OR4D9: variants seen among roughly 807,000 people sequenced by gnomAD.
OR4D9 encodes olfactory receptor family 4 subfamily D member 9, also known as olfactory receptor 4D9.
OR4D9 carries 2 observed loss-of-function variants against 0.8 expected under a neutral mutation model. The ratio of observed to expected loss-of-function variants is 2.58; its 90% CI spans 1.06 to 8.13. The LOEUF (loss-of-function observed/expected upper bound fraction) is 8.13, where lower values mean the gene tolerates loss of function less well. Ranked by LOEUF, OR4D9 falls within the 30% of genes most tolerant of loss-of-function variation. The pLI, the probability that OR4D9 is intolerant of heterozygous loss-of-function variation, is 0.04. For synonymous variants in OR4D9, 146 were observed against 151.2 expected (o/e 0.97, Z 0.25); for missense variants, 399 against 384.7 (o/e 1.04, Z -0.31).
Position 59,516,206 on chromosome 11 carries a change from G to A in OR4D9, c.*349G>A. ...TTATTAAAAAATATAAACAGGCCAG[G>A]CGTGGTGGCTCACACCTGTAATCCC... On this transcript the variant is annotated 3_prime_UTR_variant, in exon 3 of 3. Transcript: ENST00000641962. 1 of 180,756 alleles carries A rather than the reference G, an allele frequency of 5.5e-6. No homozygotes were observed. Among genetic ancestry groups the A allele is most frequent in the Non-Finnish European group, 1.2e-5 (1 of 85,408 alleles). The allele number at this position is 180,756 out of a possible 1,614,324, so 11.2% of individuals were successfully genotyped here.
intron 1 of OR4D9, among the ~76,000 whole-genome samples, chr11:59,512,538 CTT>C (rs1204222848): frequency 2.0e-5 from 3 of 151,212 alleles, no homozygotes; most frequent in Non-Finnish European, 2.9e-5. Flanking sequence ...AACGGTAACT[CTT>C]GAGTTGGTCA....
At position 59,518,425 on chromosome 11, in the gene OR4D9, C is replaced by T. The variant is rs565476753; in HGVS notation, c.*2568C>T. On this transcript the variant is annotated 3_prime_UTR_variant, in exon 3 of 3. Transcript: ENST00000641962. ...GTCTTGGGCTCCACATTCTCTAGAT[C>T]CTCAGAATCCTGTCCATGATCCAGC... 4.6e-5 allele frequency: 7 copies of T among 152,358 alleles called. No individual in the cohort carries two copies. In the East Asian group the frequency reaches 1.3e-3, roughly 29 times the overall value. The allele number at this position is 152,358 out of a possible 1,614,324, so 9.4% of individuals were successfully genotyped here. A position where few individuals can be genotyped will look rare whatever the true frequency, so the allele number is the denominator to read the frequency against.
Position 59,518,604 on chromosome 11 carries a change from T to A in OR4D9, c.*2747T>A, listed in dbSNP as rs1197265907. 1 of 152,210 alleles carries A rather than the reference T, an allele frequency of 6.6e-6. No individual in the cohort carries two copies. The highest frequency in any genetic ancestry group is 1.5e-5 in the Non-Finnish European group (1 of 68,058). The allele number at this position is 152,210 out of a possible 1,614,324, so 9.4% of individuals were successfully genotyped here. On this transcript the variant is annotated 3_prime_UTR_variant, in exon 3 of 3. Coordinates refer to ENST00000641962, the MANE Select transcript of OR4D9 (RefSeq NM_001004711.2). ...GGTCTCACTAAGTTGCCCAGGCTGG[T>A]TGAAATTCTTGGACTCAAATGATCC...
rs1363433578 is a variant in OR4D9, at chr11:59,517,442, AT to A, written c.*1588del. On this transcript the variant is annotated 3_prime_UTR_variant, in exon 3 of 3. Transcript: ENST00000641962. ...ACCACCTGAACAATGCAAGCCCATG[AT>A]TTCTGTTGAGGAGAGAGGATCCCCA... 1 of 152,164 alleles carries A rather than the reference AT, an allele frequency of 6.6e-6. No individual in the cohort carries two copies. Among genetic ancestry groups the A allele is most frequent in the Non-Finnish European group, 1.5e-5 (1 of 68,048 alleles). 9.4% of individuals were successfully genotyped at this position (152,164 alleles called of 1,614,324 possible). A position where few individuals can be genotyped will look rare whatever the true frequency, so the allele number is the denominator to read the frequency against.
chr11:59,514,126 C>T (rs1260049152), intron 1 of OR4D9, among the ~76,000 whole-genome samples: 1 of 152,060 alleles, frequency 6.6e-6, no homozygotes, highest in Non-Finnish European at 1.5e-5. Flanking sequence ...TATCATCATA[C>T]ATGTAGATAT....
Position 59,515,304 on chromosome 11 carries a change from A to C in OR4D9, c.392A>C (p.His131Pro). The C allele has an allele frequency of 1.2e-6, 2 of 1,613,076 alleles. No homozygotes were observed. The highest frequency in any genetic ancestry group is 1.7e-6 in the Non-Finnish European group (2 of 1,179,574). The change falls in exon 3 of 3, where the codon CAC (histidine) becomes CCC (proline). Residue 131 changes from histidine (H) to proline (P), a missense_variant. Physicochemically the swap from His to Pro is moderately conservative, Grantham distance 77 (BLOSUM62 -2). Coordinates refer to ENST00000641962, the MANE Select transcript of OR4D9 (RefSeq NM_001004711.2). ...DRYIAISKPL[H>P]YMTIMSRGRC... The stretch of plus-strand genomic sequence containing the variant: ...TATATAGCCATCTCCAAGCCCCTGC[A>C]CTATATGACCATCATGAGTAGGGGG...
At chr11:59,513,643 A>G (rs1019133555) in intron 1 of OR4D9, among the ~76,000 whole-genome samples, 1 of 152,128 alleles carries the variant, frequency 6.6e-6, no homozygotes, top group African/African-American at 2.4e-5. Flanking sequence ...AGAAATTATA[A>G]TCAGTGCTAC....
intron 1 of OR4D9, among the ~76,000 whole-genome samples, chr11:59,513,716 C>A (rs926622842): frequency 1.3e-5 from 2 of 151,764 alleles, no homozygotes; most frequent in Admixed American, 6.6e-5. Flanking sequence ...GAAGATCACC[C>A]GAGGCCAGGA....
At chr11:59,514,289 C>CA (rs1859370886) in intron 1 of OR4D9, among the ~76,000 whole-genome samples, 1 of 152,152 alleles carries the variant, frequency 6.6e-6, no homozygotes, top group Non-Finnish European at 1.5e-5. Context: ...TTCATCTTTT[C>CA]AGTTTCTATC....
Position 59,515,068 on chromosome 11 carries a change from A to G in OR4D9, c.156A>G (p.Glu52=), listed in dbSNP as rs1418084223. 6 of 1,613,984 alleles carry G rather than the reference A, an allele frequency of 3.7e-6. No homozygotes were observed. The South Asian group carries it at 4.4e-5, about 12-fold the overall frequency. Residue 52 remains glutamate (E), a synonymous_variant, in exon 3 of 3, where the codon GAA becomes GAG. Transcript: ENST00000641962. ...NFLIMVTVTC[E]SHLHTPMYFL... ...TCATCATGGTTACAGTTACCTGTGAATCTCACCTTCATACGCCCATGTACT... is the reference window on the plus strand; with the variant it reads ...TCATCATGGTTACAGTTACCTGTGAGTCTCACCTTCATACGCCCATGTACT...
intron 1 of OR4D9, among the ~76,000 whole-genome samples, chr11:59,513,854 C>T (rs1305793403): frequency 6.6e-6 from 1 of 151,818 alleles, no homozygotes; most frequent in African/African-American, 2.4e-5. Flanking sequence ...CCTGTAAGTC[C>T]CAACAACTAG....
Position 59,517,103 on chromosome 11 carries a change from T to C in OR4D9, c.*1246T>C, listed in dbSNP as rs1859415379. On this transcript the variant is annotated 3_prime_UTR_variant, in exon 3 of 3. Coordinates refer to ENST00000641962, the MANE Select transcript of OR4D9 (RefSeq NM_001004711.2). Reference sequence around the variant, plus strand: ...ATAATAATTAATAAATAAATAAAAATTAACCAGACATGATGATGCACACCT... The same window carrying C: ...ATAATAATTAATAAATAAATAAAAACTAACCAGACATGATGATGCACACCT... The C allele has an allele frequency of 6.6e-6, 1 of 151,080 alleles. No individual in the cohort carries two copies. The highest frequency in any genetic ancestry group is 1.5e-5 in the Non-Finnish European group (1 of 67,836). 9.4% of individuals were successfully genotyped at this position (151,080 alleles called of 1,614,324 possible).
Position 59,515,296 on chromosome 11 carries a change from G to A in OR4D9, c.384G>A (p.Lys128=), listed in dbSNP as rs1859388258. The A allele has an allele frequency of 6.2e-7, 1 of 1,612,216 alleles. No individual in the cohort carries two copies. ...MAFDRYIAIS[K]PLHYMTIMSR... is the part of the protein sequence containing the mutation. ...TTGACCGCTATATAGCCATCTCCAA[G>A]CCCCTGCACTATATGACCATCATGA... The change falls in exon 3 of 3, where the codon AAG becomes AAA. Residue 128 remains lysine, a synonymous_variant. Coordinates refer to ENST00000641962, the MANE Select transcript of OR4D9 (RefSeq NM_001004711.2).
At position 59,517,942 on chromosome 11, in the gene OR4D9, C is replaced by A. The variant is rs1859425922; in HGVS notation, c.*2085C>A. The A allele has an allele frequency of 6.6e-6, 1 of 152,160 alleles. No homozygotes were observed. The highest frequency in any genetic ancestry group is 1.5e-5 in the Non-Finnish European group (1 of 68,038). 9.4% of individuals were successfully genotyped at this position (152,160 alleles called of 1,614,324 possible). A position where few individuals can be genotyped will look rare whatever the true frequency, so the allele number is the denominator to read the frequency against. ...GCTCTCAAATGGGAAGCAACTGACT[C>A]CCCCTTATATAGCAGGATTAGCCAG... On this transcript the variant is annotated 3_prime_UTR_variant, in exon 3 of 3. Coordinates refer to ENST00000641962, the MANE Select transcript of OR4D9 (RefSeq NM_001004711.2).
Position 59,515,223 on chromosome 11 carries a change from T to A in OR4D9, c.311T>A (p.Phe104Tyr). 1 of 1,614,124 alleles carries A rather than the reference T, an allele frequency of 6.2e-7. No homozygotes were observed. Among genetic ancestry groups the A allele is most frequent in the South Asian group, 1.1e-5 (1 of 91,052 alleles). Reference sequence around the variant, plus strand: ...GGCTGTGTCACTCAAATGTTCTTCTTCCACCTTCTGGGGGGAGCAGACGTT... The same window carrying A: ...GGCTGTGTCACTCAAATGTTCTTCTACCACCTTCTGGGGGGAGCAGACGTT... ...FSGCVTQMFF[F>Y]HLLGGADVFS... Residue 104 changes from phenylalanine to tyrosine, a missense_variant, in exon 3 of 3, where the codon TTC (phenylalanine) becomes TAC (tyrosine). Phe to Tyr is a conservative substitution (Grantham distance 22). Transcript: ENST00000641962.
At chr11:59,513,481 A>G (rs1234606885) in intron 1 of OR4D9, among the ~76,000 whole-genome samples, 3 of 152,180 alleles carry the variant, frequency 2.0e-5, no homozygotes, top group African/African-American at 7.2e-5. Flanking sequence ...TGGTCCCTGG[A>G]TTATTCAGCA....
rs1312891817 is a variant in OR4D9, at chr11:59,519,563, G to A, written c.*3706G>A. The A allele has an allele frequency of 6.6e-6, 1 of 152,090 alleles. No individual in the cohort carries two copies. Among genetic ancestry groups the A allele is most frequent in the East Asian group, 1.9e-4 (1 of 5,192 alleles). The allele number at this position is 152,090 out of a possible 1,614,324, so 9.4% of individuals were successfully genotyped here. On this transcript the variant is annotated 3_prime_UTR_variant, in exon 3 of 3. Transcript: ENST00000641962. ...ACATTAGGGTAGAGTGCCCCAAGAA[G>A]ATAGGCCAAGAAGACAATCCTCATA... is the stretch of plus-strand genomic sequence containing the variant.
chr11:59,515,743 C>A lies in OR4D9; in HGVS notation c.831C>A (p.Val277=). The A allele has an allele frequency of 1.2e-6, 2 of 1,614,136 alleles. No individual in the cohort carries two copies. Among genetic ancestry groups the A allele is most frequent in the Non-Finnish European group, 1.7e-6 (2 of 1,180,022 alleles). ...CTGCCATCTCTGTCACCTTCACTGT[C>A]ATCTCCCCTTTGCTCAATCCTATAA... is the stretch of plus-strand genomic sequence containing the variant. The part of the protein sequence containing the change: ...TDTAISVTFT[V]ISPLLNPIIY... Residue 277 remains valine, a synonymous_variant, in exon 3 of 3, where the codon GTC becomes GTA. Coordinates refer to ENST00000641962, the MANE Select transcript of OR4D9 (RefSeq NM_001004711.2).
rs1851330909 is a variant in OR4D9 at position 59,518,453 on chromosome 11, A to T, written c.*2596A>T. The T allele has an allele frequency of 1.3e-5, 2 of 152,250 alleles. No individual in the cohort carries two copies. The allele number at this position is 152,250 out of a possible 1,614,324, so 9.4% of individuals were successfully genotyped here. ...CAGAATCCTGTCCATGATCCAGCAGATGGAGAAAGGGAGAGAGAATTAAGA... is the reference window on the plus strand; with the variant it reads ...CAGAATCCTGTCCATGATCCAGCAGTTGGAGAAAGGGAGAGAGAATTAAGA... On this transcript the variant is annotated 3_prime_UTR_variant, in exon 3 of 3. Coordinates refer to ENST00000641962, the MANE Select transcript of OR4D9 (RefSeq NM_001004711.2).
Sources: allele counts gnomAD v4.1 joint callset (sites outside exome capture counted in the v4.1 genomes callset), GRCh38; gene constraint gnomAD v4.1.1; transcripts MANE v1.5; gene names NCBI Gene and HGNC (gene_info 2026-07-23, HGNC 2026-07-21).